The following ELOVL7 variants were observed in gnomAD, a reference collection of about 807,000 sequenced individuals.
ELOVL7 encodes the protein very long chain fatty acid elongase 7.
Under a neutral mutation model 35.7 loss-of-function variants are expected in ELOVL7, and 27 were observed. That is an observed-to-expected ratio of 0.76 (90% CI 0.56 to 1.04). The LOEUF (loss-of-function observed/expected upper bound fraction) is 1.04. ELOVL7 is among the 50% of genes least tolerant of loss of function. The pLI is 0.00. For synonymous variants in ELOVL7, 113 were observed against 114.6 expected, an observed-to-expected ratio of 0.99 and a Z score of 0.09; for missense variants, 327 against 340.8, an observed-to-expected ratio of 0.96 and a Z score of 0.32.
At chr5:60,785,202 C>T (rs1162795158) in intron 3 of ELOVL7, among the ~76,000 whole-genome samples, 2 of 152,132 alleles carry the variant, frequency 1.3e-5, no homozygotes, top group Admixed American at 1.3e-4. Context: ...GTATTCCTTG[C>T]CTTCTCCCTG....
At chr5:60,795,194 C>T (rs375959788) in intron 2 of ELOVL7, among the ~76,000 whole-genome samples, 1 of 152,094 alleles carries the variant, frequency 6.6e-6, no homozygotes, top group South Asian at 2.1e-4. Context: ...AGTGGGATCA[C>T]AGCCCAGAGG....
intron 1 of ELOVL7, among the ~76,000 whole-genome samples, chr5:60,814,086 A>G (rs1354489321): frequency 6.6e-6 from 1 of 152,188 alleles, no homozygotes; most frequent in Non-Finnish European, 1.5e-5. Flanking sequence ...TCTCTGACAA[A>G]GGTCGGAAAG....
chr5:60,756,386 T>G (rs1741541009), intron 8 of ELOVL7, among the ~76,000 whole-genome samples: 2 of 152,186 alleles, frequency 1.3e-5, no homozygotes, highest in South Asian at 4.1e-4. Context: ...CATGTATTTT[T>G]TTCTCTTTGC....
intron 1 of ELOVL7, among the ~76,000 whole-genome samples, chr5:60,837,333 T>TGGG (rs1746885545): frequency 1.7e-4 from 9 of 53,538 alleles, no homozygotes; most frequent in South Asian, 9.7e-4. Context: ...GAGTGGGGGG[T>TGGG]GGGGGTGGCG....
chr5:60,836,772 T>C (rs547751796), intron 1 of ELOVL7, among the ~76,000 whole-genome samples: 1 of 151,966 alleles, frequency 6.6e-6, no homozygotes, highest in East Asian at 1.9e-4. Context: ...AGTTGGGGGA[T>C]GGGGCTGTAT....
chr5:60,776,822 A>C (rs1329140388), intron 3 of ELOVL7, among the ~76,000 whole-genome samples: 1 of 152,214 alleles, frequency 6.6e-6, no homozygotes, highest in Non-Finnish European at 1.5e-5. Context: ...AGCATCAGAC[A>C]ATATAGCCTA....
chr5:60,798,152 T>C (rs1029611640), intron 2 of ELOVL7, among the ~76,000 whole-genome samples: 2 of 152,224 alleles, frequency 1.3e-5, no homozygotes, highest in Non-Finnish European at 2.9e-5. Context: ...GCACATGTTG[T>C]CAGGACCTCC....
At chr5:60,831,046 A>G (rs1202397899) in intron 1 of ELOVL7, among the ~76,000 whole-genome samples, 1 of 152,240 alleles carries the variant, frequency 6.6e-6, no homozygotes, top group African/African-American at 2.4e-5. Flanking sequence ...TGTCTAACAC[A>G]TTGCAAATAG....
intron 3 of ELOVL7, among the ~76,000 whole-genome samples, chr5:60,775,671 G>C (rs893317997): frequency 6.6e-6 from 1 of 151,978 alleles, no homozygotes; most frequent in Non-Finnish European, 1.5e-5. Context: ...CAGAAATAAA[G>C]GAGCATACCT....
At chr5:60,834,211 G>A (rs982369675) in intron 1 of ELOVL7, among the ~76,000 whole-genome samples, 2 of 151,830 alleles carry the variant, frequency 1.3e-5, no homozygotes, top group Non-Finnish European at 2.9e-5. Context: ...GCATGATCTC[G>A]GCTAACTGCA....
chr5:60,768,046 A>G, intron 4 of ELOVL7, 143 bp from the exon 5 acceptor site: 2 of 585,496 alleles, frequency 3.4e-6, no homozygotes, highest in South Asian at 5.1e-5. Flanking sequence ...AACAAATACA[A>G]AATGAACATG....
At chr5:60,843,432 A>G (rs984211789) in intron 1 of ELOVL7, 6 of 152,266 alleles carry the variant, frequency 3.9e-5, no homozygotes, top group African/African-American at 1.4e-4. Context: ...CTGGGACGAC[A>G]AAACAACAGG....
chr5:60,834,945 C>G (rs920750440), intron 1 of ELOVL7, among the ~76,000 whole-genome samples: 1 of 151,826 alleles, frequency 6.6e-6, no homozygotes, highest in Non-Finnish European at 1.5e-5. Context: ...AATTCCAGCA[C>G]TTTGGGAGGC....
chr5:60,785,522 T>C (rs1487903651), intron 3 of ELOVL7, among the ~76,000 whole-genome samples: 2 of 152,198 alleles, frequency 1.3e-5, no homozygotes, highest in African/African-American at 4.8e-5. Context: ...TACCAAGAGA[T>C]CTGTTCTTCC....
At chr5:60,763,788 G>A (rs944654778) in intron 7 of ELOVL7, among the ~76,000 whole-genome samples, 1 of 152,166 alleles carries the variant, frequency 6.6e-6, no homozygotes, top group Non-Finnish European at 1.5e-5. Context: ...GGGTTAGAGT[G>A]TGTGTCAGCT....
intron 1 of ELOVL7, among the ~76,000 whole-genome samples, chr5:60,839,589 G>C (rs1747038152): frequency 6.6e-6 from 1 of 152,214 alleles, no homozygotes; most frequent in Non-Finnish European, 1.5e-5. Flanking sequence ...ATTTCTAAAA[G>C]TGTGTTTATG....
At chr5:60,833,782 A>C (rs1205949615) in intron 1 of ELOVL7, among the ~76,000 whole-genome samples, 1 of 152,158 alleles carries the variant, frequency 6.6e-6, no homozygotes, top group Non-Finnish European at 1.5e-5. Context: ...ACCACCTTCT[A>C]GGGCTTCTGT....
chr5:60,757,267 T>C (rs1455484083), intron 8 of ELOVL7, among the ~76,000 whole-genome samples: 1 of 152,122 alleles, frequency 6.6e-6, no homozygotes, highest in Non-Finnish European at 1.5e-5. Context: ...TATTTATTCT[T>C]GTATAAATGC....
chr5:60,798,272 T>A (rs936515867), intron 2 of ELOVL7, among the ~76,000 whole-genome samples: 1 of 152,122 alleles, frequency 6.6e-6, no homozygotes, highest in African/African-American at 2.4e-5. Context: ...AGAAGAGCCA[T>A]AGAAAATGAA....
Sources: gnomAD v4.1 joint callset for allele counts (sites outside exome capture counted in the v4.1 genomes callset) on GRCh38, gnomAD v4.1.1 for gene constraint, MANE v1.5 for transcripts, NCBI Gene and HGNC (gene_info 2026-07-23, HGNC 2026-07-21) for gene names.